Variants in CNTLN observed in about 807,000 individuals in gnomAD.
The protein encoded by CNTLN is centlein, centrosomal protein.
Under a neutral mutation model 180.0 loss-of-function variants are expected in CNTLN, and 212 were observed. The observed-to-expected ratio is 1.18, with a 90% CI of 1.05 to 1.32. CNTLN has a LOEUF of 1.32. Among genes scored for constraint, CNTLN ranks in the 40% most tolerant of loss-of-function variants. The pLI is 0.00. For missense variants in CNTLN, 2,095 were observed against 1,610.9 expected, an observed-to-expected ratio of 1.30 and a Z score of -5.14; for synonymous variants, 722 against 563.1, an observed-to-expected ratio of 1.28 and a Z score of -3.99.
chr9:17,332,641 A>G lies in CNTLN; in HGVS notation c.1555A>G (p.Lys519Glu), dbSNP rs1055837395. 4 of 1,608,256 alleles carry G rather than the reference A, an allele frequency of 2.5e-6. No homozygotes were observed. Among genetic ancestry groups the G allele is most frequent in the South Asian group, 2.2e-5 (2 of 89,924 alleles). ...GAAACGTTCAAGGTCTTTGTCCCCA[A>G]AGAGCTCTTTCACAGACTCAGAAGA... ...PVKRSRSLSPKSSFTDSEELQ... is the reference protein window; with the variant it reads ...PVKRSRSLSPESSFTDSEELQ... Residue 519 changes from lysine to glutamate, a missense_variant, in exon 10 of 26, where the codon AAG becomes GAG. Coordinates refer to ENST00000380647, the MANE Select transcript of CNTLN (RefSeq NM_017738.4).
Position 17,340,851 on chromosome 9 carries a change from G to A in CNTLN, c.1669G>A (p.Asp557Asn), listed in dbSNP as rs769694572. 1.5e-5 allele frequency: 24 copies of A among 1,611,280 alleles called. No individual in the cohort carries two copies. Among genetic ancestry groups the A allele is most frequent in the Non-Finnish European group, 2.0e-5 (23 of 1,178,616 alleles). Residue 557 changes from aspartate to asparagine, a missense_variant, in exon 11 of 26, where the codon GAT (aspartate) becomes AAT (asparagine). Coordinates refer to ENST00000380647, the MANE Select transcript of CNTLN (RefSeq NM_017738.4). ...LKSQENDELR[D>N]AHEKRKERLQ... Reference sequence around the variant, plus strand: ...GAGCCAAGAAAATGATGAGCTAAGAGATGCCCATGAAAAACGCAAGGAACG... The same window carrying A: ...GAGCCAAGAAAATGATGAGCTAAGAAATGCCCATGAAAAACGCAAGGAACG...
chr9:17,204,460 G>A (rs1203928748), intron 2 of CNTLN, among the ~76,000 whole-genome samples: 1 of 152,126 alleles, frequency 6.6e-6, no homozygotes, highest in Non-Finnish European at 1.5e-5. Flanking sequence ...GCTTGCTGGA[G>A]GTCCAGTCCA....
At chr9:17,281,187 C>T (rs543233082) in intron 6 of CNTLN, among the ~76,000 whole-genome samples, 1 of 152,146 alleles carries the variant, frequency 6.6e-6, no homozygotes, top group Non-Finnish European at 1.5e-5. Flanking sequence ...GAGAGGTATA[C>T]TCTTCCTCTA....
chr9:17,224,622 G>T (rs1313136229), intron 2 of CNTLN, among the ~76,000 whole-genome samples: 1 of 151,864 alleles, frequency 6.6e-6, no homozygotes, highest in Admixed American at 6.6e-5. Flanking sequence ...CTCTTTTTGT[G>T]TCTAGTTTTG....
intron 8 of CNTLN, among the ~76,000 whole-genome samples, chr9:17,329,757 T>G (rs975091742): frequency 1.3e-5 from 2 of 151,608 alleles, no homozygotes; most frequent in African/African-American, 2.4e-5. Context: ...CTTAGGAATA[T>G]CATTTAGGAA....
chr9:17,331,202 A>G (rs1245583382), intron 9 of CNTLN, among the ~76,000 whole-genome samples: 1 of 151,900 alleles, frequency 6.6e-6, no homozygotes, highest in African/African-American at 2.4e-5. Flanking sequence ...ATGTCTTTCA[A>G]TCAGATATGA....
chr9:17,239,023 T>C (rs1825326141), intron 5 of CNTLN, among the ~76,000 whole-genome samples: 1 of 152,168 alleles, frequency 6.6e-6, no homozygotes, highest in Non-Finnish European at 1.5e-5. Flanking sequence ...TGAAGTGATA[T>C]CTCATTATGG....
intron 18 of CNTLN, among the ~76,000 whole-genome samples, chr9:17,443,609 G>T (rs1024615465): frequency 1.3e-5 from 2 of 152,290 alleles, no homozygotes; most frequent in South Asian, 4.1e-4. Flanking sequence ...GACGTTCATA[G>T]CTTCAACTGT....
chr9:17,365,466 C>T (rs1200789586), intron 12 of CNTLN, among the ~76,000 whole-genome samples: 1 of 152,122 alleles, frequency 6.6e-6, no homozygotes, highest in Non-Finnish European at 1.5e-5. Flanking sequence ...AATACACCAT[C>T]CCTACTCAGG....
chr9:17,233,385 T>C (rs1824930697), intron 3 of CNTLN, among the ~76,000 whole-genome samples: 2 of 152,186 alleles, frequency 1.3e-5, no homozygotes. Flanking sequence ...ATGTCTGTTT[T>C]ATAAGTTTAT....
chr9:17,484,451 G>A lies in CNTLN; in HGVS notation c.4012G>A (p.Glu1338Lys), dbSNP rs1184986621. ...CCTGAACATTTCACGGTCAGATTTAGAGGAAATATTAGACACAGAAGATCA... is the reference window on the plus strand; with the variant it reads ...CCTGAACATTTCACGGTCAGATTTAAAGGAAATATTAGACACAGAAGATCA... ...SILNISRSDL[E>K]EILDTEDQVE... The change falls in exon 24 of 26, where the codon GAG becomes AAG. Residue 1338 changes from glutamate to lysine, a missense_variant. Glu to Lys is a moderately conservative substitution (Grantham distance 56, BLOSUM62 1). Transcript: ENST00000380647. The A allele has an allele frequency of 1.5e-5, 24 of 1,604,028 alleles. No homozygotes were observed. The highest frequency in any genetic ancestry group is 2.0e-5 in the Non-Finnish European group (24 of 1,177,714).
At chr9:17,281,976 T>TG (rs1563953525) in intron 6 of CNTLN, among the ~76,000 whole-genome samples, 1 of 152,094 alleles carries the variant, frequency 6.6e-6, no homozygotes, top group Non-Finnish European at 1.5e-5. Flanking sequence ...TTTTTTTGTT[T>TG]GTTTTGAGAC....
chr9:17,272,908 T>C (rs1301800065), intron 5 of CNTLN, among the ~76,000 whole-genome samples: 2 of 152,128 alleles, frequency 1.3e-5, no homozygotes, highest in Non-Finnish European at 2.9e-5. Flanking sequence ...CTTCTGCCCT[T>C]ATTTTCTCCC....
intron 2 of CNTLN, among the ~76,000 whole-genome samples, chr9:17,217,735 T>C (rs2132025475): frequency 6.6e-6 from 1 of 152,318 alleles, no homozygotes; most frequent in South Asian, 2.1e-4. Flanking sequence ...TCCTACTCTT[T>C]TATGTTGTTT....
chr9:17,298,422 A>G, intron 7 of CNTLN, 70 bp downstream of exon 7: 3 of 1,318,980 alleles, frequency 2.3e-6, no homozygotes, highest in Non-Finnish European at 2.9e-6. Flanking sequence ...TAGAATTCAG[A>G]TTTTTTCAAA....
At chr9:17,481,349 C>A (rs1832635230) in intron 23 of CNTLN, among the ~76,000 whole-genome samples, 1 of 152,216 alleles carries the variant, frequency 6.6e-6, no homozygotes, top group Non-Finnish European at 1.5e-5. Context: ...ACAGCCCCAT[C>A]CAACCAGGGA....
chr9:17,195,657 G>A (rs143950785), intron 2 of CNTLN, among the ~76,000 whole-genome samples: 29 of 152,250 alleles, frequency 1.9e-4, no homozygotes, highest in African/African-American at 4.8e-4. Flanking sequence ...TGCCAGTAGC[G>A]TGCCTGGAGA....
In CNTLN at chr9:17,330,750, C is replaced by G; in HGVS notation, c.1460C>G (p.Ser487Cys). 6.2e-7 allele frequency: 1 copy of G among 1,611,426 alleles called. No individual in the cohort carries two copies. The highest frequency in any genetic ancestry group is 8.5e-7 in the Non-Finnish European group (1 of 1,178,484). Residue 487 changes from serine to cysteine, a missense_variant, in exon 9 of 26, where the codon TCT (serine) becomes TGT (cysteine). Coordinates refer to ENST00000380647, the MANE Select transcript of CNTLN (RefSeq NM_017738.4). The stretch of plus-strand genomic sequence containing the variant: ...AATGAAAAACTGTCAGAAAACATAT[C>G]TGCCAACAAGGGTTTCTCCCGAAAG... ...IANEKLSENI[S>C]ANKGFSRKSI...
chr9:17,477,382 A>G lies in CNTLN; in HGVS notation c.3856-6913A>G, dbSNP rs150338715. Among the ~76,000 whole-genome samples the G allele has an allele frequency of 2.2e-3, 329 of 152,306 alleles. 3 individuals are homozygous for G. The highest frequency in any genetic ancestry group is 7.6e-3 in the African/African-American group (315 of 41,548). On this transcript the variant is annotated intron_variant, in intron 23 of 25. Transcript: ENST00000380647. The stretch of plus-strand genomic sequence containing the variant: ...TTTAAAGTCTTATTATTTAAGAAAT[A>G]CATTTCACAAGGCATAGCTTCTGTA...
Sources: gnomAD v4.1 joint callset for allele counts (sites outside exome capture counted in the v4.1 genomes callset) on GRCh38, gnomAD v4.1.1 for gene constraint, MANE v1.5 for transcripts, NCBI Gene and HGNC (gene_info 2026-07-23, HGNC 2026-07-21) for gene names.